The following ACSBG1 variants were observed in gnomAD, a reference collection of about 807,000 sequenced individuals.
The protein encoded by ACSBG1 is long-chain-fatty-acid--CoA ligase ACSBG1.
Under a neutral mutation model 80.2 loss-of-function variants are expected in ACSBG1, and 39 were observed. The ratio of observed to expected loss-of-function variants is 0.49; its 90% CI spans 0.38 to 0.64. ACSBG1 has a LOEUF of 0.64. Ranked by LOEUF, ACSBG1 falls within the 30% of genes least tolerant of loss-of-function variation. The pLI, the probability that ACSBG1 is intolerant of heterozygous loss-of-function variation, is 0.00. For synonymous variants in ACSBG1, 392 were observed against 379.5 expected (o/e 1.03, Z -0.38); for missense variants, 828 against 966.4 (o/e 0.86, Z 1.90).
In ACSBG1 at chr15:78,170,586, TC is replaced by T. The variant is rs2074807662; in HGVS notation, c.*857del. ...CTGTTTCCTGTTCAGATGCCTTCGG[TC>T]ATTTTGGCTCAGCTTGCTACTGAGA... is the stretch of plus-strand genomic sequence containing the variant. On this transcript the variant is annotated 3_prime_UTR_variant, in exon 14 of 14. Transcript: ENST00000258873. 1.3e-5 allele frequency: 2 copies of T among 152,352 alleles called. No homozygotes were observed. The highest frequency in any genetic ancestry group is 2.9e-5 in the Non-Finnish European group (2 of 68,042). The allele number at this position is 152,352 out of a possible 1,614,324, so 9.4% of individuals were successfully genotyped here. A position where few individuals can be genotyped will look rare whatever the true frequency, so the allele number is the denominator to read the frequency against.
At chr15:78,209,140 A>G (rs778397242) in intron 1 of ACSBG1, 35 of 455,970 alleles carry the variant, frequency 7.7e-5, no homozygotes, top group African/African-American at 5.8e-4. Flanking sequence ...AGCCGGGCCA[A>G]TTACCTGCTT....
chr15:78,210,891 G>A (rs1428111506), intron 1 of ACSBG1, among the ~76,000 whole-genome samples: 4 of 152,192 alleles, frequency 2.6e-5, no homozygotes, highest in Non-Finnish European at 5.9e-5. Flanking sequence ...TGGGATTATA[G>A]GCGCAAGTCA....
chr15:78,183,563 T>C (rs2074970782), intron 5 of ACSBG1, among the ~76,000 whole-genome samples: 1 of 152,048 alleles, frequency 6.6e-6, no homozygotes, highest in South Asian at 2.1e-4. Flanking sequence ...AGACTCTGTC[T>C]CAAAACAAAC....
At chr15:78,193,656 G>C (rs1414673765) in intron 4 of ACSBG1, 30 bp from the exon 5 acceptor site, 2 of 1,602,574 alleles carry the variant, frequency 1.2e-6, no homozygotes, top group Admixed American at 3.4e-5. Context: ...ATTCACCTTA[G>C]GGGAGGTGCA....
chr15:78,195,093 C>T (rs919497147), intron 2 of ACSBG1, among the ~76,000 whole-genome samples: 3 of 152,198 alleles, frequency 2.0e-5, no homozygotes, highest in Non-Finnish European at 2.9e-5. Flanking sequence ...ATCTGTCTTT[C>T]CCTGCCCTCC....
intron 1 of ACSBG1, among the ~76,000 whole-genome samples, chr15:78,214,786 T>G (rs2075294394): frequency 6.6e-6 from 1 of 152,076 alleles, no homozygotes; most frequent in Admixed American, 6.5e-5. Context: ...GAGGCAGCAA[T>G]TGGGACAGGG....
chr15:78,185,060 AG>A (rs2074987017), intron 5 of ACSBG1, among the ~76,000 whole-genome samples: 1 of 130,592 alleles, frequency 7.7e-6, no homozygotes, highest in African/African-American at 2.8e-5. Context: ...AGGGAGAGAG[AG>A]AGAGAGAGAG....
At chr15:78,174,269 T>C (rs2074858938) in intron 12 of ACSBG1, 116 bp downstream of exon 12, 1 of 1,437,968 alleles carries the variant, frequency 7.0e-7, no homozygotes, top group Admixed American at 1.9e-5. Context: ...CTTGAGTCAT[T>C]CCAGAATGAA....
At chr15:78,182,272 A>C in intron 7 of ACSBG1, 127 bp from the exon 8 acceptor site, 2 of 1,356,298 alleles carry the variant, frequency 1.5e-6, no homozygotes, top group Non-Finnish European at 2.0e-6. Context: ...GGCTCTGAAA[A>C]CCCCAGGACA....
chr15:78,233,255 G>A (rs571875734), intron 1 of ACSBG1, among the ~76,000 whole-genome samples: 1 of 152,316 alleles, frequency 6.6e-6, no homozygotes, highest in East Asian at 1.9e-4. Flanking sequence ...GTCCACTTTG[G>A]ATTAGCAGGG....
At chr15:78,204,226 G>A (rs891227287) in intron 2 of ACSBG1, among the ~76,000 whole-genome samples, 19 of 151,490 alleles carry the variant, frequency 1.3e-4, no homozygotes, top group Non-Finnish European at 2.2e-4. Context: ...TTCTCTATAC[G>A]CTTCTCCACA....
chr15:78,207,967 G>A (rs925789076), intron 2 of ACSBG1, 35 bp downstream of exon 2: 16 of 434,834 alleles, frequency 3.7e-5, no homozygotes, highest in Non-Finnish European at 5.7e-5. Flanking sequence ...ACAGTTTCCC[G>A]CCCTGCCCCA....
intron 5 of ACSBG1, among the ~76,000 whole-genome samples, chr15:78,183,970 G>A (rs1013832326): frequency 4.7e-4 from 71 of 151,790 alleles, no homozygotes; most frequent in Admixed American, 1.3e-4. Context: ...AAAGAAATAA[G>A]TTAGCCCAAG....
At chr15:78,210,110 G>A (rs2075254817) in intron 1 of ACSBG1, among the ~76,000 whole-genome samples, 2 of 152,198 alleles carry the variant, frequency 1.3e-5, no homozygotes, top group Admixed American at 1.3e-4. Context: ...GCGGGTGGGT[G>A]CCTTTTCCTG....
chr15:78,173,135 C>G (rs186205101), intron 13 of ACSBG1, among the ~76,000 whole-genome samples: 72 of 152,164 alleles, frequency 4.7e-4, no homozygotes, highest in Non-Finnish European at 7.6e-4. Flanking sequence ...CACCTGAGGT[C>G]GGGAGTTCGA....
intron 1 of ACSBG1, among the ~76,000 whole-genome samples, chr15:78,232,831 C>T (rs558375961): frequency 8.5e-5 from 13 of 152,170 alleles, no homozygotes; most frequent in African/African-American, 3.1e-4. Context: ...ATTACAGGCA[C>T]GTACCACCAC....
intron 1 of ACSBG1, among the ~76,000 whole-genome samples, chr15:78,231,130 C>T (rs987252918): frequency 4.0e-5 from 6 of 151,278 alleles, no homozygotes; most frequent in African/African-American, 1.2e-4. Flanking sequence ...ATTTTTTTTT[C>T]TTTTTTTGAG....
intron 2 of ACSBG1, among the ~76,000 whole-genome samples, chr15:78,205,330 C>T (rs1027205514): frequency 2.6e-4 from 40 of 152,172 alleles, no homozygotes; most frequent in African/African-American, 9.6e-4. Flanking sequence ...TTTGGGACCT[C>T]AAAGAGATCT....
At chr15:78,193,649 C>T in intron 4 of ACSBG1, 23 bp from the exon 5 acceptor site, 1 of 1,607,984 alleles carries the variant, frequency 6.2e-7, no homozygotes, top group East Asian at 2.2e-5. Flanking sequence ...CAGGAAGATT[C>T]ACCTTAGGGG....
Sources: allele counts gnomAD v4.1 joint callset (sites outside exome capture counted in the v4.1 genomes callset), GRCh38; gene constraint gnomAD v4.1.1; transcripts MANE v1.5; gene names NCBI Gene and HGNC (gene_info 2026-07-23, HGNC 2026-07-21).